AJAP1: variants seen among roughly 807,000 people sequenced by gnomAD.
AJAP1 encodes the protein adherens junctions associated protein 1.
AJAP1 carries 5 observed loss-of-function variants against 35.0 expected under a neutral mutation model. That is an observed-to-expected ratio of 0.14 (90% CI 0.07 to 0.30). The LOEUF (loss-of-function observed/expected upper bound fraction) is 0.30. AJAP1 is among the 10% of genes least tolerant of loss of function. AJAP1 has a pLI of 1.00. For synonymous variants in AJAP1, 284 were observed against 249.3 expected (o/e 1.14, Z -1.31); for missense variants, 586 against 571.0 (o/e 1.03, Z -0.27).
chr1:4,700,699 G>A lies in AJAP1; in HGVS notation c.30-11201G>A, dbSNP rs559817194. 9.8e-5 allele frequency among the ~76,000 whole-genome samples: 15 copies of A among 152,308 alleles called. No homozygotes were observed. In the East Asian group the frequency reaches 2.5e-3, roughly 26 times the overall value. On this transcript the variant is annotated intron_variant, in intron 1 of 5. Coordinates refer to ENST00000378191, the MANE Select transcript of AJAP1 (RefSeq NM_018836.4). Reference sequence around the variant, plus strand: ...GGGGCCCAGTCTGGGAACTTTGTCCGCACACGCAGGGGAAGCACAGGAGGT... The same window carrying A: ...GGGGCCCAGTCTGGGAACTTTGTCCACACACGCAGGGGAAGCACAGGAGGT...
chr1:4,773,975 G>T (rs1641893052), intron 4 of AJAP1, among the ~76,000 whole-genome samples: 1 of 152,184 alleles, frequency 6.6e-6, no homozygotes, highest in African/African-American at 2.4e-5. Flanking sequence ...GGGTTTCATT[G>T]GCCTTGGGAA....
At chr1:4,682,788 T>C (rs1246390763) in intron 1 of AJAP1, among the ~76,000 whole-genome samples, 2 of 152,186 alleles carry the variant, frequency 1.3e-5, no homozygotes, top group African/African-American at 4.8e-5. Context: ...GGGATGAGGA[T>C]AGTGGTAATG....
At chr1:4,722,180 CG>C (rs1355042347) in intron 2 of AJAP1, among the ~76,000 whole-genome samples, 2 of 152,186 alleles carry the variant, frequency 1.3e-5, no homozygotes, top group South Asian at 2.1e-4. Context: ...TGGTTGCATG[CG>C]GGGGAACTTC....
At chr1:4,753,370 G>A (rs1327233997) in intron 2 of AJAP1, among the ~76,000 whole-genome samples, 1 of 147,240 alleles carries the variant, frequency 6.8e-6, no homozygotes, top group Admixed American at 6.7e-5. Flanking sequence ...AAAAGGACGT[G>A]AAAATTTCCC....
intron 1 of AJAP1, among the ~76,000 whole-genome samples, chr1:4,681,584 C>T (rs116055295): frequency 0.017 from 2,647 of 152,350 alleles, 66 homozygotes; most frequent in African/African-American, 0.061. Context: ...ACAGGTACAG[C>T]TGGGGCAGAG....
intron 1 of AJAP1, among the ~76,000 whole-genome samples, chr1:4,680,395 C>A (rs1639456399): frequency 6.6e-6 from 1 of 152,144 alleles, no homozygotes; most frequent in Admixed American, 6.5e-5. Context: ...CTTCAAAGTC[C>A]CTATTTCAAA....
chr1:4,740,369 T>TG (rs1641027998), intron 2 of AJAP1, among the ~76,000 whole-genome samples: 1 of 34,702 alleles, frequency 2.9e-5, no homozygotes, highest in Non-Finnish European at 5.7e-5. Flanking sequence ...GGGAGGGGGA[T>TG]GGGGAGTGAG....
chr1:4,766,066 T>C (rs971458245), intron 2 of AJAP1, among the ~76,000 whole-genome samples: 1 of 152,218 alleles, frequency 6.6e-6, no homozygotes, highest in African/African-American at 2.4e-5. Flanking sequence ...TTTTATTTAA[T>C]CTATAAGCAG....
chr1:4,756,976 C>G (rs77759903), intron 2 of AJAP1, among the ~76,000 whole-genome samples: 2,490 of 152,278 alleles, frequency 0.016, 65 homozygotes, highest in South Asian at 0.12. Context: ...TGCCTGCCCC[C>G]AGCCCTTTCC....
chr1:4,681,298 A>C (rs1314849079), intron 1 of AJAP1, among the ~76,000 whole-genome samples: 1 of 152,204 alleles, frequency 6.6e-6, no homozygotes, highest in Admixed American at 6.5e-5. Flanking sequence ...CACAGACTGC[A>C]AGGGAGAGGA....
At chr1:4,719,208 C>A (rs1263439522) in intron 2 of AJAP1, among the ~76,000 whole-genome samples, 1 of 152,154 alleles carries the variant, frequency 6.6e-6, no homozygotes, top group Non-Finnish European at 1.5e-5. Flanking sequence ...TGTCTGGCTT[C>A]TTAATCAATT....
Position 4,655,844 on chromosome 1 carries a change from C to T in AJAP1, c.29+390C>T, listed in dbSNP as rs1454406465. On this transcript the variant is annotated intron_variant, in intron 1 of 5. Transcript: ENST00000378191. This position sits in a 1 kb window ranked among gnomAD's most constrained non-coding sequence, Gnocchi z 6.9. ...CGCTGGGCGCGGCGGGCGCGGGGGCCGGGGCTGCCGGGGAAAGCTAAAGCT... is the reference window on the plus strand; with the variant it reads ...CGCTGGGCGCGGCGGGCGCGGGGGCTGGGGCTGCCGGGGAAAGCTAAAGCT... Among the ~76,000 whole-genome samples the T allele has an allele frequency of 1.3e-5, 2 of 150,278 alleles. No homozygotes were observed. Among genetic ancestry groups the T allele is most frequent in the African/African-American group, 4.9e-5 (2 of 41,184 alleles).
intron 5 of AJAP1, among the ~76,000 whole-genome samples, chr1:4,776,916 G>A (rs1028900894): frequency 2.0e-5 from 3 of 152,220 alleles, no homozygotes; most frequent in South Asian, 4.1e-4. Flanking sequence ...AGGCAGCTGC[G>A]CTCAGCCTGG....
At chr1:4,701,866 G>A (rs1004553261) in intron 1 of AJAP1, among the ~76,000 whole-genome samples, 5 of 152,142 alleles carry the variant, frequency 3.3e-5, no homozygotes, top group East Asian at 1.9e-4. Context: ...CCTGCCAGGC[G>A]CAAGGTGTGC....
chr1:4,771,906 G>T (rs1641843188), intron 3 of AJAP1, among the ~76,000 whole-genome samples: 1 of 152,032 alleles, frequency 6.6e-6, no homozygotes, highest in Non-Finnish European at 1.5e-5. Context: ...GGCCCCTCTG[G>T]CAGGAAGGAC....
chr1:4,673,579 G>A (rs1265166372), intron 1 of AJAP1, among the ~76,000 whole-genome samples: 3 of 152,164 alleles, frequency 2.0e-5, no homozygotes, highest in African/African-American at 7.2e-5. Flanking sequence ...AGCCTCCACT[G>A]ACTCATTCCT....
At position 4,747,425 on chromosome 1, in the gene AJAP1, G is replaced by GCCT. The variant is rs569521320; in HGVS notation, c.830-22415_830-22413dup. On this transcript the variant is annotated intron_variant, in intron 2 of 5. Transcript: ENST00000378191. ...TGTCTTGCAGACCGGGTTGGCCAGGGCCTCCTCCTCCTCCTTGGGCTTTCA... is the reference window on the plus strand; with the variant it reads ...TGTCTTGCAGACCGGGTTGGCCAGGGCCTCCTCCTCCTCCTCCTTGGGCTTTCA... Among the ~76,000 whole-genome samples, 100 of 152,242 alleles carry GCCT rather than the reference G, an allele frequency of 6.6e-4. No homozygotes were observed. In the East Asian group the frequency reaches 0.016, roughly 24 times the overall value.
chr1:4,787,574 G>A lies in AJAP1; in HGVS notation c.*5089G>A, dbSNP rs1471354067. 2.4e-6 allele frequency: 1 copy of A among 418,850 alleles called. No individual in the cohort carries two copies. 25.9% of individuals were successfully genotyped at this position (418,850 alleles called of 1,614,324 possible). ...GCCTGGTTCTCCACCAAATTCCTCTGTCATTCCAGCAAGAGTGGAAGCAGA... is the reference window on the plus strand; with the variant it reads ...GCCTGGTTCTCCACCAAATTCCTCTATCATTCCAGCAAGAGTGGAAGCAGA... On this transcript the variant is annotated 3_prime_UTR_variant, in exon 6 of 6. Coordinates refer to ENST00000378191, the MANE Select transcript of AJAP1 (RefSeq NM_018836.4).
At chr1:4,761,779 T>A (rs1641572157) in intron 2 of AJAP1, among the ~76,000 whole-genome samples, 1 of 152,206 alleles carries the variant, frequency 6.6e-6, no homozygotes, top group African/African-American at 2.4e-5. Context: ...GCATCCAACA[T>A]GGGAGAAAGA....
Sources: allele counts gnomAD v4.1 joint callset (sites outside exome capture counted in the v4.1 genomes callset), GRCh38; gene constraint gnomAD v4.1.1; non-coding constraint Gnocchi (gnomAD v3.1); transcripts MANE v1.5; gene names NCBI Gene and HGNC (gene_info 2026-07-23, HGNC 2026-07-21).